Variants in PDSS2 observed in about 807,000 individuals in gnomAD.
The protein encoded by PDSS2 is all trans-polyprenyl-diphosphate synthase PDSS2.
PDSS2 carries 31 observed loss-of-function variants against 44.5 expected under a neutral mutation model. The observed-to-expected ratio is 0.70, with a 90% CI of 0.52 to 0.94. PDSS2 has a LOEUF of 0.94. Ranked by LOEUF, PDSS2 falls within the 40% of genes least tolerant of loss-of-function variation. The pLI is 0.00. For missense variants in PDSS2, 452 were observed against 482.2 expected, an observed-to-expected ratio of 0.94 and a Z score of 0.59; for synonymous variants, 157 against 180.3, an observed-to-expected ratio of 0.87 and a Z score of 1.03.
intron 2 of PDSS2, among the ~76,000 whole-genome samples, chr6:107,281,605 C>T (rs1726511135): frequency 6.6e-6 from 1 of 152,112 alleles, no homozygotes; most frequent in South Asian, 2.1e-4. Flanking sequence ...TATGAAAGTA[C>T]CATACAACTT....
intron 3 of PDSS2, chr6:107,264,474 C>T: frequency 6.5e-7 from 1 of 1,548,472 alleles, no homozygotes. Flanking sequence ...CACAGTCTCC[C>T]ATCTGATATA....
At chr6:107,405,911 T>C (rs1009423280) in intron 1 of PDSS2, among the ~76,000 whole-genome samples, 1 of 151,402 alleles carries the variant, frequency 6.6e-6, no homozygotes, top group Non-Finnish European at 1.5e-5. Flanking sequence ...ACCAACTATA[T>C]GCTGCTGACA....
At position 107,459,373 on chromosome 6, in the gene PDSS2, C is replaced by T; in HGVS notation, c.-88G>A. 8.9e-7 allele frequency: 1 copy of T among 1,119,868 alleles called. No individual in the cohort carries two copies. Among genetic ancestry groups the T allele is most frequent in the South Asian group, 1.3e-5 (1 of 77,752 alleles). 69.4% of individuals were successfully genotyped at this position (1,119,868 alleles called of 1,614,324 possible). A position where few individuals can be genotyped will look rare whatever the true frequency, so the allele number is the denominator to read the frequency against. On this transcript the variant is annotated 5_prime_UTR_variant, in exon 1 of 8. Transcript: ENST00000369037. This position sits in a 1 kb window ranked among gnomAD's most constrained non-coding sequence, Gnocchi z 4.3. ...GGGGCAGAGGAGGAACTTACAGTAA[C>T]TAAAAGGAAGCGGCAATTCTTGACC... is the stretch of plus-strand genomic sequence containing the variant.
At chr6:107,264,192 A>G (rs1775335765) in intron 3 of PDSS2, 4 of 1,028,190 alleles carry the variant, frequency 3.9e-6, no homozygotes, top group Non-Finnish European at 5.0e-6. Flanking sequence ...CAAATAGACA[A>G]TAGCATCTTT....
In PDSS2 at chr6:107,198,788, C is replaced by A. The variant is rs115479614; in HGVS notation, c.1009-4934G>T. On this transcript the variant is annotated intron_variant, in intron 6 of 7. Transcript: ENST00000369037. ...TTGGGCAACATGGTGAGAAACCTGT[C>A]TCTACAAACAATAACAACAACAACA... is the stretch of plus-strand genomic sequence containing the variant. 9.2e-3 allele frequency among the ~76,000 whole-genome samples: 1,237 copies of A among 135,094 alleles called. 14 individuals carry two copies. The highest frequency in any genetic ancestry group is 0.033 in the African/African-American group (1,165 of 35,824). The allele number at this position is 135,094 out of a possible 152,430, so 88.6% of individuals were successfully genotyped here.
chr6:107,201,327 T>A (rs1562370735), intron 6 of PDSS2, among the ~76,000 whole-genome samples: 1 of 138,470 alleles, frequency 7.2e-6, no homozygotes, highest in Non-Finnish European at 1.5e-5. Context: ...CCTGTGCTCA[T>A]GACACTGGAG....
At chr6:107,204,981 C>T (rs1421634411) in intron 6 of PDSS2, among the ~76,000 whole-genome samples, 1 of 152,052 alleles carries the variant, frequency 6.6e-6, no homozygotes, top group Non-Finnish European at 1.5e-5. Flanking sequence ...CATTGTATAC[C>T]TTCTATGATA....
At chr6:107,170,539 C>T (rs956610406) in intron 7 of PDSS2, among the ~76,000 whole-genome samples, 5 of 151,940 alleles carry the variant, frequency 3.3e-5, no homozygotes, top group African/African-American at 9.7e-5. Context: ...AGAAATCACC[C>T]GTCTTCTGCA....
chr6:107,455,341 C>G (rs1447362413), intron 1 of PDSS2, among the ~76,000 whole-genome samples: 1 of 151,348 alleles, frequency 6.6e-6, no homozygotes, highest in Non-Finnish European at 1.5e-5. Context: ...TTTAGCTTCA[C>G]CCTTTTCACT....
At chr6:107,285,974 T>C (rs1274442067) in intron 2 of PDSS2, among the ~76,000 whole-genome samples, 1 of 151,752 alleles carries the variant, frequency 6.6e-6, no homozygotes, top group Non-Finnish European at 1.5e-5. Flanking sequence ...ACCCCGTCCC[T>C]ACTAAAAATA....
intron 4 of PDSS2, among the ~76,000 whole-genome samples, chr6:107,237,215 C>T (rs567495330): frequency 2.0e-4 from 31 of 152,106 alleles, no homozygotes; most frequent in African/African-American, 7.2e-4. Context: ...TTACAGATAT[C>T]AGCCATCACT....
At chr6:107,179,329 G>A (rs1771894692) in intron 7 of PDSS2, among the ~76,000 whole-genome samples, 1 of 151,910 alleles carries the variant, frequency 6.6e-6, no homozygotes, top group East Asian at 1.9e-4. Context: ...TGCCCAGGCT[G>A]GAGTGCAGTG....
At chr6:107,239,508 T>A (rs578062346) in intron 4 of PDSS2, among the ~76,000 whole-genome samples, 1 of 151,988 alleles carries the variant, frequency 6.6e-6, no homozygotes, top group Non-Finnish European at 1.5e-5. Flanking sequence ...CAGAATAAAA[T>A]CTAGAAAGAA....
intron 1 of PDSS2, among the ~76,000 whole-genome samples, chr6:107,438,392 G>T (rs767671370): frequency 5.3e-5 from 8 of 151,830 alleles, no homozygotes; most frequent in Non-Finnish European, 7.4e-5. Context: ...TTTTTTCTTT[G>T]TATTTTTAGT....
chr6:107,221,575 AC>A (rs1773610272), intron 4 of PDSS2, among the ~76,000 whole-genome samples: 1 of 152,014 alleles, frequency 6.6e-6, no homozygotes, highest in African/African-American at 2.4e-5. Context: ...CTGTCACATG[AC>A]CTTTTTGCTG....
At chr6:107,415,772 T>C (rs1326348873) in intron 1 of PDSS2, among the ~76,000 whole-genome samples, 2 of 152,226 alleles carry the variant, frequency 1.3e-5, no homozygotes, top group African/African-American at 2.4e-5. Flanking sequence ...CAAATTACTC[T>C]GTGGAAGTAG....
intron 2 of PDSS2, among the ~76,000 whole-genome samples, chr6:107,298,518 T>G (rs992688600): frequency 1.3e-5 from 2 of 152,140 alleles, no homozygotes; most frequent in Non-Finnish European, 2.9e-5. Flanking sequence ...ATCCAAGGAT[T>G]TTGGTATCCA....
rs572802814 is a variant in PDSS2 at position 107,170,113 on chromosome 6, C to A, written c.1042-15336G>T. Among the ~76,000 whole-genome samples the A allele has an allele frequency of 5.3e-5, 8 of 152,292 alleles. No individual in the cohort carries two copies. In the East Asian group the frequency reaches 1.5e-3, roughly 29 times the overall value. Reference sequence around the variant, plus strand: ...GAGGCAGGCAGGTCTCCTTGAGCAGCGGTGGGCTTCACCCAGTTGGAGCTT... The same window carrying A: ...GAGGCAGGCAGGTCTCCTTGAGCAGAGGTGGGCTTCACCCAGTTGGAGCTT... On this transcript the variant is annotated intron_variant, in intron 7 of 7. Transcript: ENST00000369037.
chr6:107,209,370 TGA>T (rs1773117905), intron 6 of PDSS2, among the ~76,000 whole-genome samples: 1 of 152,146 alleles, frequency 6.6e-6, no homozygotes, highest in African/African-American at 2.4e-5. Context: ...CCATGTTTAC[TGA>T]GGAGGCCCCA....
Sources: allele counts gnomAD v4.1 joint callset (sites outside exome capture counted in the v4.1 genomes callset), GRCh38; gene constraint gnomAD v4.1.1; non-coding constraint Gnocchi (gnomAD v3.1); transcripts MANE v1.5; gene names NCBI Gene and HGNC (gene_info 2026-07-23, HGNC 2026-07-21).